GPX3: variants seen among roughly 807,000 people sequenced by gnomAD.
GPX3 encodes the protein glutathione peroxidase 3, also known as GPx-3.
GPX3 carries 22 observed loss-of-function variants against 25.1 expected under a neutral mutation model. The observed-to-expected ratio is 0.88, with a 90% CI of 0.63 to 1.25. The LOEUF is 1.25. GPX3 is among the 50% of genes most tolerant of loss of function. The pLI is 0.00. For missense variants in GPX3, 278 were observed against 286.6 expected (o/e 0.97, Z 0.22); for synonymous variants, 110 against 114.5 (o/e 0.96, Z 0.25).
intron 2 of GPX3, among the ~76,000 whole-genome samples, chr5:151,025,919 T>C (rs1756540588): frequency 6.6e-6 from 1 of 152,198 alleles, no homozygotes; most frequent in Non-Finnish European, 1.5e-5. Flanking sequence ...CCAGAGTGTA[T>C]GCGTGGTGTA....
At chr5:151,026,434 A>T (rs8177442) in intron 2 of GPX3, 33,435 of 154,082 alleles carry the variant, frequency 0.22, 4,065 homozygotes, top group East Asian at 0.58. Flanking sequence ...GCTGCAAAAG[A>T]GACCAGGGGA....
intron 1 of GPX3, chr5:151,021,246 T>G: frequency 5.2e-6 from 1 of 192,726 alleles, no homozygotes; most frequent in Non-Finnish European, 1.1e-5. Flanking sequence ...ACCCCAAGAA[T>G]GATACAGGCA....
At chr5:151,021,059 T>G in intron 1 of GPX3, 1 of 372,286 alleles carries the variant, frequency 2.7e-6, no homozygotes, top group South Asian at 2.5e-5. Flanking sequence ...GCTACATCTA[T>G]GTCACCTCCG....
chr5:151,025,489 C>T lies in GPX3; in HGVS notation c.237C>T (p.Tyr79=), dbSNP rs775560970. The change falls in exon 2 of 5, where the codon TAC becomes TAT. Residue 79 remains tyrosine, a synonymous_variant. Transcript: ENST00000388825. ...VASYUGLTGQ[Y]IELNALQEEL... ...GCTACTGAGGCCTGACGGGCCAGTA[C>T]ATTGGTAAGAGCCCACCCTTCCTCC... 3 of 1,604,490 alleles carry T rather than the reference C, an allele frequency of 1.9e-6. No individual in the cohort carries two copies. Among genetic ancestry groups the T allele is most frequent in the East Asian group, 2.3e-5 (1 of 44,384 alleles).
chr5:151,022,748 A>C (rs763044977), intron 1 of GPX3, among the ~76,000 whole-genome samples: 30 of 152,164 alleles, frequency 2.0e-4, no homozygotes, highest in Non-Finnish European at 4.1e-4. Flanking sequence ...CAGAAGCCGG[A>C]AAGAGTGACA....
chr5:151,028,534 A>G lies in GPX3; in HGVS notation c.*404A>G, dbSNP rs79250800. 771 of 223,216 alleles carry G rather than the reference A, an allele frequency of 3.5e-3. 6 individuals are homozygous for G. Among genetic ancestry groups the G allele is most frequent in the African/African-American group, 0.017 (736 of 43,750 alleles). The allele number at this position is 223,216 out of a possible 1,614,324, so 13.8% of individuals were successfully genotyped here. Reference sequence around the variant, plus strand: ...AAAGGAAAAACCAGCTCTAGGTCCAATTGTTCTGCTCTAACTGATACCTCA... The same window carrying G: ...AAAGGAAAAACCAGCTCTAGGTCCAGTTGTTCTGCTCTAACTGATACCTCA... On this transcript the variant is annotated 3_prime_UTR_variant, in exon 5 of 5. Transcript: ENST00000388825.
chr5:151,025,368 C>T lies in GPX3; in HGVS notation c.116C>T (p.Thr39Ile). ...KMDCHGGISGTIYEYGALTID... is the reference protein window; with the variant it reads ...KMDCHGGISGIIYEYGALTID... The stretch of plus-strand genomic sequence containing the variant: ...GACTGCCATGGTGGCATAAGTGGCA[C>T]CATTTACGAGTACGGAGCCCTCACC... Residue 39 changes from threonine to isoleucine, a missense_variant, in exon 2 of 5, where the codon ACC becomes ATC. Transcript: ENST00000388825. 1 of 1,601,782 alleles carries T rather than the reference C, an allele frequency of 6.2e-7. No individual in the cohort carries two copies. The highest frequency in any genetic ancestry group is 8.5e-7 in the Non-Finnish European group (1 of 1,173,444).
intron 1 of GPX3, among the ~76,000 whole-genome samples, chr5:151,023,677 C>T (rs1019061328): frequency 2.6e-5 from 4 of 151,986 alleles, no homozygotes; most frequent in Non-Finnish European, 5.9e-5. Flanking sequence ...ATCTTTGTGG[C>T]GGTCTAGGGT....
rs1279353180 is a variant in GPX3 at position 151,020,754 on chromosome 5, C to T, written c.87+13C>T. 5 of 1,609,236 alleles carry T rather than the reference C, an allele frequency of 3.1e-6. No homozygotes were observed. ...AGAGAAGTCGAAGGTGAGTGAGCCT[C>T]CGGGCCGGGGGCCGGGAGAAAAAAC... On this transcript the variant is annotated intron_variant, in intron 1 of 4. Transcript: ENST00000388825.
chr5:151,028,572 G>A lies in GPX3; in HGVS notation c.*442G>A. 1 of 170,622 alleles carries A rather than the reference G, an allele frequency of 5.9e-6. No individual in the cohort carries two copies. Among genetic ancestry groups the A allele is most frequent in the Non-Finnish European group, 1.3e-5 (1 of 78,050 alleles). The allele number at this position is 170,622 out of a possible 1,614,324, so 10.6% of individuals were successfully genotyped here. On this transcript the variant is annotated 3_prime_UTR_variant, in exon 5 of 5. Coordinates refer to ENST00000388825, the MANE Select transcript of GPX3 (RefSeq NM_002084.5). ...AACTGATACCTCAACCTTGGGGCCA[G>A]CATCTCCCACTGCCTCCAAATATTA...
chr5:151,020,837 C>T (rs768826208), intron 1 of GPX3, 96 bp downstream of exon 1: 33 of 1,168,684 alleles, frequency 2.8e-5, no homozygotes, highest in Middle Eastern at 1.9e-4. Context: ...GGCTCCCCGC[C>T]AGATGGGCAA....
intron 1 of GPX3, among the ~76,000 whole-genome samples, chr5:151,023,579 T>C (rs1387922078): frequency 5.3e-5 from 8 of 152,274 alleles, no homozygotes; most frequent in Non-Finnish European, 1.2e-4. Flanking sequence ...AATCTTTTTT[T>C]CCTCCATGTC....
chr5:151,025,310 T>G, intron 1 of GPX3, 30 bp from the exon 2 acceptor site: 8 of 1,517,728 alleles, frequency 5.3e-6, no homozygotes, highest in Non-Finnish European at 7.1e-6. Context: ...TTTCCAGCTC[T>G]AACTGCTCCT....
intron 3 of GPX3, 85 bp downstream of exon 3, chr5:151,027,102 T>TGATA: frequency 1.1e-6 from 1 of 901,040 alleles, no homozygotes; most frequent in Admixed American, 2.0e-5. Flanking sequence ...TGGACATTTA[T>TGATA]CGGCCACCAA....
At chr5:151,022,423 C>A (rs993428103) in intron 1 of GPX3, among the ~76,000 whole-genome samples, 3 of 152,170 alleles carry the variant, frequency 2.0e-5, no homozygotes, top group African/African-American at 7.2e-5. Context: ...TCACATACAA[C>A]CAGTCAGGAC....
rs1756608798 is a variant in GPX3, at chr5:151,028,660, T to G, written c.*530T>G. ...ACCACACTCCCCAACCCCCCACTCC[T>G]ACTTCCTGAAGGGCCCTCCCAAGGC... is the stretch of plus-strand genomic sequence containing the variant. On this transcript the variant is annotated 3_prime_UTR_variant, in exon 5 of 5. Transcript: ENST00000388825. 1 of 157,764 alleles carries G rather than the reference T, an allele frequency of 6.3e-6. No individual in the cohort carries two copies. The highest frequency in any genetic ancestry group is 1.4e-5 in the Non-Finnish European group (1 of 71,078). The allele number at this position is 157,764 out of a possible 1,614,324, so 9.8% of individuals were successfully genotyped here. A position where few individuals can be genotyped will look rare whatever the true frequency, so the allele number is the denominator to read the frequency against.
At position 151,028,431 on chromosome 5, in the gene GPX3, T is replaced by C. The variant is rs1756598421; in HGVS notation, c.*301T>C. Reference sequence around the variant, plus strand: ...TGTGTACCATCTGTGTGCCTGCAGCTGTGTAGTGCTGGACAGTGACAACCC... The same window carrying C: ...TGTGTACCATCTGTGTGCCTGCAGCCGTGTAGTGCTGGACAGTGACAACCC... On this transcript the variant is annotated 3_prime_UTR_variant, in exon 5 of 5. Coordinates refer to ENST00000388825, the MANE Select transcript of GPX3 (RefSeq NM_002084.5). 4.8e-6 allele frequency: 2 copies of C among 417,518 alleles called. No individual in the cohort carries two copies. Among genetic ancestry groups the C allele is most frequent in the African/African-American group, 4.1e-5 (2 of 49,366 alleles). The allele number at this position is 417,518 out of a possible 1,614,324, so 25.9% of individuals were successfully genotyped here.
chr5:151,023,884 A>T (rs930455414), intron 1 of GPX3, among the ~76,000 whole-genome samples: 1 of 152,234 alleles, frequency 6.6e-6, no homozygotes, highest in Admixed American at 6.5e-5. Context: ...GAGAGCTTGC[A>T]GCTGCCAGGG....
At chr5:151,025,139 C>T (rs759952855) in intron 1 of GPX3, among the ~76,000 whole-genome samples, 9 of 151,678 alleles carry the variant, frequency 5.9e-5, no homozygotes, top group Non-Finnish European at 1.0e-4. Flanking sequence ...ATATTAAGTA[C>T]CCGAAAAGCA....
Sources: allele counts gnomAD v4.1 joint callset (sites outside exome capture counted in the v4.1 genomes callset), GRCh38; gene constraint gnomAD v4.1.1; transcripts MANE v1.5; gene names NCBI Gene and HGNC (gene_info 2026-07-23, HGNC 2026-07-21).